The following ADGRL3 variants were observed in gnomAD, a reference collection of about 807,000 sequenced individuals.
The protein encoded by ADGRL3 is calcium-independent alpha-latrotoxin receptor 3.
ADGRL3 carries 62 observed loss-of-function variants against 153.5 expected under a neutral mutation model. The observed-to-expected ratio is 0.40, with a 90% CI of 0.33 to 0.50. The LOEUF (loss-of-function observed/expected upper bound fraction) is 0.50. Ranked by LOEUF, ADGRL3 falls within the 20% of genes least tolerant of loss-of-function variation. The probability of loss-of-function intolerance (pLI) is 0.47; values close to 1 mark genes in which losing one functional copy is unlikely to be tolerated. For missense variants in ADGRL3, 1,641 were observed against 1,859.4 expected (o/e 0.88, Z 2.16); for synonymous variants, 710 against 672.5 (o/e 1.06, Z -0.86).
At chr4:61,656,722 A>G (rs1429848593) in intron 5 of ADGRL3, among the ~76,000 whole-genome samples, 1 of 152,178 alleles carries the variant, frequency 6.6e-6, no homozygotes, top group African/African-American at 2.4e-5. Flanking sequence ...AGGAAATCCA[A>G]TGTAGGATTT....
chr4:61,508,515 T>A lies in ADGRL3; in HGVS notation c.56-8800T>A, dbSNP rs180776796. On this transcript the variant is annotated intron_variant, in intron 3 of 26. Coordinates refer to ENST00000683033, the MANE Select transcript of ADGRL3 (RefSeq NM_001387552.1). The stretch of plus-strand genomic sequence containing the variant: ...TTATAAATACAGAGGTTTTTAAAAA[T>A]TTTTTTAACCTACATATCTAAGCAT... Among the ~76,000 whole-genome samples, 66 of 152,280 alleles carry A rather than the reference T, an allele frequency of 4.3e-4. 1 individual carries two copies. Among genetic ancestry groups the A allele is most frequent in the African/African-American group, 1.4e-3 (59 of 41,568 alleles).
chr4:61,847,671 TAAA>T, intron 9 of ADGRL3, among the ~76,000 whole-genome samples: 1 of 58,786 alleles, frequency 1.7e-5, no homozygotes, highest in African/African-American at 7.6e-5. Context: ...ATATATAATA[TAAA>T]ATATATTATA....
intron 17 of ADGRL3, among the ~76,000 whole-genome samples, chr4:61,964,475 C>T (rs1048890315): frequency 3.9e-5 from 6 of 151,976 alleles, no homozygotes; most frequent in African/African-American, 1.4e-4. Flanking sequence ...ATGTTTAGGC[C>T]AGTGCTTTGC....
intron 5 of ADGRL3, among the ~76,000 whole-genome samples, chr4:61,614,064 A>G (rs2091713209): frequency 6.6e-6 from 1 of 152,192 alleles, no homozygotes; most frequent in Non-Finnish European, 1.5e-5. Context: ...TAGTATTTTT[A>G]CAAAGGAAAT....
chr4:61,383,940 G>T (rs1025058531), intron 2 of ADGRL3, among the ~76,000 whole-genome samples: 1 of 151,602 alleles, frequency 6.6e-6, no homozygotes, highest in Non-Finnish European at 1.5e-5. Flanking sequence ...GTAAAGTTTA[G>T]CATGTACATT....
rs1299877789 is a variant in ADGRL3 at position 61,202,415 on chromosome 4, C to T, written c.-240+650C>T. Among the ~76,000 whole-genome samples, 1 of 152,176 alleles carries T rather than the reference C, an allele frequency of 6.6e-6. No homozygotes were observed. The highest frequency in any genetic ancestry group is 1.9e-4 in the East Asian group (1 of 5,160). The stretch of plus-strand genomic sequence containing the variant: ...TCCTTCACGGCAGTTTGGTTTAGAC[C>T]TGCGTGCCCAGGCTTTGTTAGGCGG... On this transcript the variant is annotated intron_variant, in intron 1 of 26. Transcript: ENST00000683033. This position sits in a 1 kb window ranked among gnomAD's most constrained non-coding sequence, Gnocchi z 5.0.
chr4:62,063,135 T>C (rs144951178), intron 25 of ADGRL3, among the ~76,000 whole-genome samples: 2 of 152,236 alleles, frequency 1.3e-5, no homozygotes, highest in East Asian at 3.9e-4. Context: ...TTTAAACTTT[T>C]TTTTGGCTTT....
chr4:61,488,717 T>G (rs1254024074), intron 2 of ADGRL3, among the ~76,000 whole-genome samples: 1 of 152,058 alleles, frequency 6.6e-6, no homozygotes, highest in Non-Finnish European at 1.5e-5. Context: ...CTTGAAAAAT[T>G]GTTGACTTAA....
At chr4:61,517,958 A>G (rs1203098263) in intron 4 of ADGRL3, among the ~76,000 whole-genome samples, 2 of 152,182 alleles carry the variant, frequency 1.3e-5, no homozygotes, top group Admixed American at 6.5e-5. Flanking sequence ...GGAATTGCAC[A>G]TTAGTCATTT....
At chr4:61,405,115 G>A (rs1331943383) in intron 2 of ADGRL3, among the ~76,000 whole-genome samples, 2 of 151,944 alleles carry the variant, frequency 1.3e-5, no homozygotes, top group South Asian at 4.1e-4. Context: ...AATTCATTGA[G>A]GAAGGAATCT....
intron 17 of ADGRL3, among the ~76,000 whole-genome samples, chr4:61,978,706 A>G (rs2099056714): frequency 1.3e-5 from 2 of 152,206 alleles, no homozygotes; most frequent in Non-Finnish European, 2.9e-5. Context: ...CAACCAAGGA[A>G]CATGGCAGAC....
chr4:61,479,577 G>T (rs2098110064), intron 2 of ADGRL3, among the ~76,000 whole-genome samples: 1 of 152,072 alleles, frequency 6.6e-6, no homozygotes, highest in Non-Finnish European at 1.5e-5. Context: ...GGAAATTGGG[G>T]AAGATTAAAT....
At chr4:61,258,253 G>A (rs1376693995) in intron 1 of ADGRL3, among the ~76,000 whole-genome samples, 1 of 152,128 alleles carries the variant, frequency 6.6e-6, no homozygotes, top group African/African-American at 2.4e-5. Flanking sequence ...TGCCCCACAA[G>A]TCACCATGGT....
chr4:61,917,506 A>G (rs549636687), intron 13 of ADGRL3, among the ~76,000 whole-genome samples: 2 of 152,356 alleles, frequency 1.3e-5, no homozygotes, highest in South Asian at 4.1e-4. Flanking sequence ...CAGCAGAAAG[A>G]TATAGTAACT....
intron 25 of ADGRL3, among the ~76,000 whole-genome samples, chr4:62,066,439 C>A (rs1414662437): frequency 6.6e-6 from 1 of 151,906 alleles, no homozygotes; most frequent in Non-Finnish European, 1.5e-5. Context: ...CTGAGGCATA[C>A]AGAATTAGGA....
intron 13 of ADGRL3, among the ~76,000 whole-genome samples, chr4:61,930,283 GT>G (rs1251153613): frequency 6.6e-6 from 1 of 151,994 alleles, no homozygotes; most frequent in Non-Finnish European, 1.5e-5. Flanking sequence ...AGGAAGGGGG[GT>G]AACTAGGTTC....
intron 3 of ADGRL3, among the ~76,000 whole-genome samples, chr4:61,506,000 T>C (rs1229030543): frequency 6.6e-6 from 1 of 152,050 alleles, no homozygotes; most frequent in Non-Finnish European, 1.5e-5. Context: ...GAAACTGAAG[T>C]TTACAGTATC....
At chr4:62,040,246 G>A (rs573442334) in intron 24 of ADGRL3, among the ~76,000 whole-genome samples, 2 of 151,910 alleles carry the variant, frequency 1.3e-5, no homozygotes, top group South Asian at 4.2e-4. Context: ...TATTACTGTT[G>A]TTATTACAGA....
At chr4:61,393,371 A>G (rs2096835353) in intron 2 of ADGRL3, among the ~76,000 whole-genome samples, 1 of 152,148 alleles carries the variant, frequency 6.6e-6, no homozygotes, top group African/African-American at 2.4e-5. Context: ...AAGCTTAAAT[A>G]TTATAGAATC....
Sources: gnomAD v4.1 joint callset for allele counts (sites outside exome capture counted in the v4.1 genomes callset) on GRCh38, gnomAD v4.1.1 for gene constraint, Gnocchi (gnomAD v3.1) non-coding constraint, MANE v1.5 for transcripts, NCBI Gene and HGNC (gene_info 2026-07-23, HGNC 2026-07-21) for gene names.